SEC14L3: variants seen among roughly 807,000 people sequenced by gnomAD.
The protein encoded by SEC14L3 is SEC14 like lipid binding 3, also known as SEC14-like protein 3.
SEC14L3 carries 56 observed loss-of-function variants against 57.4 expected under a neutral mutation model. The ratio of observed to expected loss-of-function variants is 0.97; its 90% CI spans 0.79 to 1.22. The LOEUF (loss-of-function observed/expected upper bound fraction) is 1.22, where lower values mean the gene tolerates loss of function less well. SEC14L3 is among the 50% of genes most tolerant of loss of function. The probability of loss-of-function intolerance (pLI) is 0.00; values close to 1 mark genes in which losing one functional copy is unlikely to be tolerated. For missense variants in SEC14L3, 485 were observed against 511.7 expected (o/e 0.95, Z 0.50); for synonymous variants, 173 against 194.4 (o/e 0.89, Z 0.92).
At chr22:30,471,440 GTCC>G (rs1210631925) in intron 1 of SEC14L3, among the ~76,000 whole-genome samples, 2 of 152,128 alleles carry the variant, frequency 1.3e-5, no homozygotes, top group Admixed American at 6.6e-5. Flanking sequence ...ATAATTATAT[GTCC>G]TCTTCTTCCT....
chr22:30,452,891 G>GT (rs1935015774), intron 12 of SEC14L3, among the ~76,000 whole-genome samples: 1 of 151,604 alleles, frequency 6.6e-6, no homozygotes, highest in Admixed American at 6.6e-5. Context: ...TTTTTTTGTT[G>GT]TTTTTTGTAG....
intron 7 of SEC14L3, 152 bp from the exon 8 acceptor site, chr22:30,465,055 AG>A (rs1935376853): frequency 1.1e-5 from 13 of 1,182,286 alleles, no homozygotes; most frequent in Non-Finnish European, 1.5e-5. Context: ...CCAACCAACC[AG>A]TCAACCAGCC....
intron 11 of SEC14L3, among the ~76,000 whole-genome samples, chr22:30,460,770 G>A (rs975374131): frequency 1.3e-5 from 2 of 150,306 alleles, no homozygotes; most frequent in Admixed American, 1.3e-4. Flanking sequence ...GGAGGTTGCG[G>A]TGAGCAGAGA....
In SEC14L3 at chr22:30,470,550, G is replaced by A. The variant is rs1935573969; in HGVS notation, c.87C>T (p.Ala29=). 5 of 1,614,162 alleles carry A rather than the reference G, an allele frequency of 3.1e-6. No homozygotes were observed. The highest frequency in any genetic ancestry group is 4.2e-6 in the Non-Finnish European group (5 of 1,180,026). Residue 29 remains alanine, a synonymous_variant, in exon 2 of 12, where the codon GCC becomes GCT. Coordinates refer to ENST00000215812, the MANE Select transcript of SEC14L3 (RefSeq NM_174975.5). Reference sequence around the variant, plus strand: ...GGAAATAATCATCAGGGTTGGGCAGGGCAGGAAGCACATCCTGGACGTTTT... The same window carrying A: ...GGAAATAATCATCAGGGTTGGGCAGAGCAGGAAGCACATCCTGGACGTTTT... ...FRENVQDVLP[A]LPNPDDYFLL...
chr22:30,462,945 C>G (rs992881163), intron 8 of SEC14L3, among the ~76,000 whole-genome samples: 3 of 151,932 alleles, frequency 2.0e-5, no homozygotes, highest in African/African-American at 7.3e-5. Context: ...CCACCTTGGC[C>G]AGGATGGTCT....
chr22:30,449,724 C>T (rs1332618309), intron 12 of SEC14L3, among the ~76,000 whole-genome samples: 3 of 152,034 alleles, frequency 2.0e-5, no homozygotes, highest in Non-Finnish European at 2.9e-5. Context: ...ACCACCATGC[C>T]CAACTAATTT....
At chr22:30,468,391 T>C in intron 5 of SEC14L3, 117 bp downstream of exon 5, 1 of 687,358 alleles carries the variant, frequency 1.5e-6, no homozygotes. Context: ...AGAGCTGGTG[T>C]TTGACCCCAG....
rs1424207384 is a variant in SEC14L3 at position 30,468,657 on chromosome 22, C to T, written c.274G>A (p.Asp92Asn). Residue 92 changes from aspartate to asparagine, a missense_variant, in exon 5 of 12, where the codon GAC (aspartate) becomes AAC (asparagine). Transcript: ENST00000215812. ...KYMPGGLCGYDRDGCPVWYDI... is the reference protein window; with the variant it reads ...KYMPGGLCGYNRDGCPVWYDI... ...TACCACACGGGGCAGCCATCACGGTCATAGCCACACAGGCCCCCAGGCATG... is the reference window on the plus strand; with the variant it reads ...TACCACACGGGGCAGCCATCACGGTTATAGCCACACAGGCCCCCAGGCATG... The T allele has an allele frequency of 3.7e-6, 6 of 1,613,954 alleles. No homozygotes were observed. Among genetic ancestry groups the T allele is most frequent in the Non-Finnish European group, 3.4e-6 (4 of 1,179,906 alleles).
downstream of SEC14L3, among the ~76,000 whole-genome samples, chr22:30,454,577 T>C (rs1264805283): frequency 9.0e-6 from 1 of 110,988 alleles, no homozygotes; most frequent in Admixed American, 1.2e-4. Flanking sequence ...ATATATAATC[T>C]ATAATAATAT....
At chr22:30,463,271 A>G (rs1395499494) in intron 8 of SEC14L3, among the ~76,000 whole-genome samples, 8 of 152,094 alleles carry the variant, frequency 5.3e-5, no homozygotes. Flanking sequence ...TTCATGCCCT[A>G]TGTAAAGCTC....
chr22:30,451,541 G>A (rs1238908132), intron 12 of SEC14L3, among the ~76,000 whole-genome samples: 1 of 152,172 alleles, frequency 6.6e-6, no homozygotes, highest in Non-Finnish European at 1.5e-5. Flanking sequence ...TAGCAGATAA[G>A]AAAAGAAAGA....
At chr22:30,468,167 T>A (rs528875125) in intron 5 of SEC14L3, among the ~76,000 whole-genome samples, 1 of 151,786 alleles carries the variant, frequency 6.6e-6, no homozygotes, top group Non-Finnish European at 1.5e-5. Context: ...TAATCCCAGC[T>A]ACTCAGGAGG....
downstream of SEC14L3, among the ~76,000 whole-genome samples, chr22:30,455,753 C>G (rs1004399348): frequency 3.3e-5 from 5 of 152,196 alleles, no homozygotes; most frequent in Non-Finnish European, 7.3e-5. Context: ...CGGTTGGGAG[C>G]CTCGCCTTTT....
intron 11 of SEC14L3, among the ~76,000 whole-genome samples, chr22:30,460,634 G>A (rs1038064139): frequency 6.6e-6 from 1 of 152,022 alleles, no homozygotes. Flanking sequence ...AGGAGTTCGA[G>A]AGCAGCCTGA....
intron 12 of SEC14L3, among the ~76,000 whole-genome samples, chr22:30,453,825 C>G (rs1817791709): frequency 6.6e-6 from 1 of 152,192 alleles, no homozygotes; most frequent in Non-Finnish European, 1.5e-5. Context: ...ACAGCTTACT[C>G]TCTTCAGAGT....
intron 5 of SEC14L3, among the ~76,000 whole-genome samples, chr22:30,468,017 A>G (rs988338310): frequency 6.6e-6 from 1 of 152,186 alleles, no homozygotes; most frequent in African/African-American, 2.4e-5. Context: ...ACGGTGGCTC[A>G]CGCCTGTAAT....
intron 8 of SEC14L3, among the ~76,000 whole-genome samples, chr22:30,463,254 AATGTTCTTC>A (rs1402936933): frequency 6.6e-6 from 1 of 152,158 alleles, no homozygotes; most frequent in Non-Finnish European, 1.5e-5. Context: ...CCATGACCAT[AATGTTCTTC>A]ATGCCCTATG....
chr22:30,467,196 C>G (rs1935445718), intron 5 of SEC14L3, 119 bp from the exon 6 acceptor site: 1 of 1,392,518 alleles, frequency 7.2e-7, no homozygotes, highest in South Asian at 1.4e-5. Flanking sequence ...CTCAGAGGAA[C>G]AAGTAGACTA....
intron 11 of SEC14L3, among the ~76,000 whole-genome samples, chr22:30,460,811 A>G (rs1284941211): frequency 6.7e-6 from 1 of 148,312 alleles, no homozygotes; most frequent in African/African-American, 2.5e-5. Flanking sequence ...CTGGACAACA[A>G]GAGTGAAACT....
Sources: gnomAD v4.1 joint callset for allele counts (sites outside exome capture counted in the v4.1 genomes callset) on GRCh38, gnomAD v4.1.1 for gene constraint, MANE v1.5 for transcripts, NCBI Gene and HGNC (gene_info 2026-07-23, HGNC 2026-07-21) for gene names.